ROS1: variants seen among roughly 807,000 people sequenced by gnomAD.
The protein encoded by ROS1 is proto-oncogene tyrosine-protein kinase ROS.
A neutral mutation model predicts 273.5 loss-of-function variants in ROS1; 263 were observed. That is an observed-to-expected ratio of 0.96 (90% CI 0.87 to 1.06). The LOEUF (loss-of-function observed/expected upper bound fraction) is 1.06, where lower values mean the gene tolerates loss of function less well. Ranked by LOEUF, ROS1 falls within the 50% of genes least tolerant of loss-of-function variation. ROS1 has a pLI of 0.00. For missense variants in ROS1, 2,833 were observed against 2,751.1 expected (o/e 1.03, Z -0.67); for synonymous variants, 1,008 against 954.1 (o/e 1.06, Z -1.04).
intron 18 of ROS1, among the ~76,000 whole-genome samples, chr6:117,366,600 G>A (rs1780266971): frequency 6.6e-6 from 1 of 152,034 alleles, no homozygotes. Context: ...TGCAACCTCT[G>A]CCTTCCAGCT....
rs201235239 is a variant in ROS1, at chr6:117,383,473, G to A, written c.2325C>T (p.Asp775=). 6.8e-6 allele frequency: 11 copies of A among 1,614,042 alleles called. No homozygotes were observed. The highest frequency in any genetic ancestry group is 1.1e-5 in the South Asian group (1 of 91,072). Residue 775 remains aspartate (D), a synonymous_variant, in exon 17 of 44, where the codon GAC becomes GAT. Coordinates refer to ENST00000368507, the MANE Select transcript of ROS1 (RefSeq NM_001378902.1). ...CCAATAGCTTCACGTGGGTAACAAT[G>A]TCTGTGTGTCCCGTCAACACAGACT... The part of the protein sequence containing the change: ...QRQSVLTGHT[D]IVTHVKLLVN...
chr6:117,290,823 C>T (rs1490390490), intron 43 of ROS1, among the ~76,000 whole-genome samples: 1 of 152,138 alleles, frequency 6.6e-6, no homozygotes, highest in East Asian at 1.9e-4. Context: ...TTTCTAAGCA[C>T]CCCCACTTCT....
chr6:117,348,780 G>A (rs1329239062), intron 27 of ROS1, among the ~76,000 whole-genome samples: 1 of 151,722 alleles, frequency 6.6e-6, no homozygotes, highest in Non-Finnish European at 1.5e-5. Flanking sequence ...CGTAAGTTTT[G>A]ATGTTTTGTT....
At chr6:117,343,548 G>A (rs1778119529) in intron 28 of ROS1, among the ~76,000 whole-genome samples, 1 of 152,258 alleles carries the variant, frequency 6.6e-6, no homozygotes, top group Non-Finnish European at 1.5e-5. Flanking sequence ...ACTGTGCTAG[G>A]TGCTAGGCAT....
chr6:117,378,602 A>T (rs1781535035), intron 18 of ROS1, among the ~76,000 whole-genome samples: 1 of 152,218 alleles, frequency 6.6e-6, no homozygotes, highest in Admixed American at 6.5e-5. Context: ...ATTTATTTTT[A>T]AAATATCTGA....
At chr6:117,308,565 T>A (rs762098254) in intron 42 of ROS1, among the ~76,000 whole-genome samples, 3 of 152,144 alleles carry the variant, frequency 2.0e-5, no homozygotes, top group Non-Finnish European at 2.9e-5. Flanking sequence ...AGAAGTATTT[T>A]ACTCTCCAAA....
chr6:117,362,518 G>C, intron 22 of ROS1, 85 bp downstream of exon 22: 1 of 1,327,318 alleles, frequency 7.5e-7, no homozygotes, highest in Non-Finnish European at 1.0e-6. Flanking sequence ...CATTTACACT[G>C]TAACATATCC....
chr6:117,389,942 C>T (rs1201269804), intron 12 of ROS1, 96 bp from the exon 13 acceptor site: 2 of 1,075,892 alleles, frequency 1.9e-6, no homozygotes, highest in Non-Finnish European at 2.7e-6. Flanking sequence ...ACAATCAGAA[C>T]TATGTATCTC....
rs758832763 is a variant in ROS1 at position 117,308,849 on chromosome 6, T to G, written c.6496A>C (p.Asn2166His). The change falls in exon 42 of 44, where the codon AAC (asparagine) becomes CAC (histidine). Residue 2166 changes from asparagine to histidine, a missense_variant. By Grantham distance (68) the Asn-to-His change is moderately conservative (BLOSUM62 1). Coordinates refer to ENST00000368507, the MANE Select transcript of ROS1 (RefSeq NM_001378902.1). Reference sequence around the variant, plus strand: ...AGTCTCCCTCCTGTTTGCACATAGTTTAACACATCAAGGTTGGAATGAGCT... The same window carrying G: ...AGTCTCCCTCCTGTTTGCACATAGTGTAACACATCAAGGTTGGAATGAGCT... ...YPAHSNLDVL[N>H]YVQTGGRLEP... 6.2e-7 allele frequency: 1 copy of G among 1,613,490 alleles called. No homozygotes were observed. The highest frequency in any genetic ancestry group is 8.5e-7 in the Non-Finnish European group (1 of 1,179,634).
chr6:117,292,609 G>T (rs140096497), intron 43 of ROS1, among the ~76,000 whole-genome samples: 50 of 152,222 alleles, frequency 3.3e-4, no homozygotes, highest in African/African-American at 1.2e-3. Context: ...CTGCACCCTG[G>T]ACTTCAACCA....
chr6:117,400,221 CA>C (rs1773833440), intron 7 of ROS1, among the ~76,000 whole-genome samples: 1 of 152,190 alleles, frequency 6.6e-6, no homozygotes, highest in Non-Finnish European at 1.5e-5. Flanking sequence ...AGACTTCCTC[CA>C]AAGAGATTTA....
chr6:117,326,230 C>G lies in ROS1; in HGVS notation c.5533G>C (p.Val1845Leu), dbSNP rs2128581577. The change falls in exon 34 of 44, where the codon GTT (valine) becomes CTT (leucine). Residue 1845 changes from valine to leucine, a missense_variant. Physicochemically the swap from Val to Leu is conservative, Grantham distance 32. Coordinates refer to ENST00000368507, the MANE Select transcript of ROS1 (RefSeq NM_001378902.1). ...GACAGACATGGTAACATACCTCCAACTAATATAATATTCTCACTGATTCCA... is the reference window on the plus strand; with the variant it reads ...GACAGACATGGTAACATACCTCCAAGTAATATAATATTCTCACTGATTCCA... ...YSGISENIIL[V>L]GDDFWIPETS... The G allele has an allele frequency of 6.3e-7, 1 of 1,586,858 alleles. No homozygotes were observed.
Position 117,356,754 on chromosome 6 carries a change from G to C in ROS1, c.4001C>G (p.Ala1334Gly). The C allele has an allele frequency of 6.2e-7, 1 of 1,614,124 alleles. No homozygotes were observed. ...TAGGTTAGAGGTATCAATAGCCATT[G>C]CTCCACTTAACTCAAATTCAGTCAC... ...CNVTEFELSGAMAIDTSNLEK... is the reference protein window; with the variant it reads ...CNVTEFELSGGMAIDTSNLEK... Residue 1334 changes from alanine to glycine, a missense_variant, in exon 26 of 44, where the codon GCA becomes GGA. Coordinates refer to ENST00000368507, the MANE Select transcript of ROS1 (RefSeq NM_001378902.1).
intron 1 of ROS1, among the ~76,000 whole-genome samples, chr6:117,425,187 C>G (rs574804216): frequency 2.6e-5 from 4 of 152,294 alleles, no homozygotes; most frequent in African/African-American, 9.6e-5. Context: ...AAACCGATTT[C>G]AGGTTTCAAG....
intron 36 of ROS1, 57 bp from the exon 37 acceptor site, chr6:117,320,087 T>C (rs2128559392): frequency 3.4e-6 from 5 of 1,467,122 alleles, no homozygotes; most frequent in Non-Finnish European, 4.7e-6. Context: ...GGTGTACAAG[T>C]TTGTGTTGGT....
At position 117,315,357 on chromosome 6, in the gene ROS1, G is replaced by GA. The variant is rs533369274; in HGVS notation, c.6117+1785dup. 3.9e-3 allele frequency among the ~76,000 whole-genome samples: 592 copies of GA among 151,758 alleles called. 18 individuals are homozygous for GA. The highest frequency in any genetic ancestry group is 3.9e-3 in the East Asian group (20 of 5,148). ...TTCTATTCATTATCAAAGAGACAATGAAAAAAAATCCTGGAACTGAAGGGA... is the reference window on the plus strand; with the variant it reads ...TTCTATTCATTATCAAAGAGACAATGAAAAAAAAATCCTGGAACTGAAGGGA... On this transcript the variant is annotated intron_variant, in intron 39 of 43. Coordinates refer to ENST00000368507, the MANE Select transcript of ROS1 (RefSeq NM_001378902.1).
intron 39 of ROS1, among the ~76,000 whole-genome samples, chr6:117,313,908 A>G (rs1382600857): frequency 6.6e-6 from 1 of 152,026 alleles, no homozygotes; most frequent in Non-Finnish European, 1.5e-5. Flanking sequence ...CGATGTCTCT[A>G]TGGTTGCAGC....
In ROS1 at chr6:117,344,210, A is replaced by G; in HGVS notation, c.4356T>C (p.Asn1452=). ...ASDTVEPTIL[N]ATNTSLTIRL... ...TGATTGTGAGGCTAGTGTTAGTGGCATTAAGTATAGTTGGTTCCACAGTGT... is the reference window on the plus strand; with the variant it reads ...TGATTGTGAGGCTAGTGTTAGTGGCGTTAAGTATAGTTGGTTCCACAGTGT... Residue 1452 remains asparagine, a synonymous_variant, in exon 28 of 44, where the codon AAT becomes AAC. Transcript: ENST00000368507. 1 of 1,614,092 alleles carries G rather than the reference A, an allele frequency of 6.2e-7. No homozygotes were observed. Among genetic ancestry groups the G allele is most frequent in the Non-Finnish European group, 8.5e-7 (1 of 1,179,982 alleles).
chr6:117,332,164 A>G (rs1237340922), intron 32 of ROS1, among the ~76,000 whole-genome samples: 1 of 151,034 alleles, frequency 6.6e-6, no homozygotes, highest in African/African-American at 2.4e-5. Context: ...GCATATGGAA[A>G]GCAAAAAAAA....
Sources: gnomAD v4.1 joint callset for allele counts (sites outside exome capture counted in the v4.1 genomes callset) on GRCh38, gnomAD v4.1.1 for gene constraint, MANE v1.5 for transcripts, NCBI Gene and HGNC (gene_info 2026-07-23, HGNC 2026-07-21) for gene names.